The following WWP2 variants were observed in gnomAD, a reference collection of about 807,000 sequenced individuals.
The protein encoded by WWP2 is WW domain containing E3 ubiquitin protein ligase 2, also known as NEDD4-like E3 ubiquitin-protein ligase WWP2.
In WWP2, 57 loss-of-function variants were observed where a neutral mutation model predicts 121.0. The ratio of observed to expected loss-of-function variants is 0.47; its 90% CI spans 0.38 to 0.59. The LOEUF is 0.59. Ranked by LOEUF, WWP2 falls within the 20% of genes least tolerant of loss-of-function variation. The probability of loss-of-function intolerance (pLI) is 0.00; values close to 1 mark genes in which losing one functional copy is unlikely to be tolerated. For synonymous variants in WWP2, 449 were observed against 441.3 expected (o/e 1.02, Z -0.22); for missense variants, 962 against 1,158.9 (o/e 0.83, Z 2.47).
At chr16:69,830,688 A>G (rs890881515) in intron 4 of WWP2, among the ~76,000 whole-genome samples, 1 of 152,138 alleles carries the variant, frequency 6.6e-6, no homozygotes, top group Admixed American at 6.6e-5. Context: ...CAACAGGAAT[A>G]CCAGTGTTCA....
chr16:69,819,827 C>T (rs1445216613), intron 4 of WWP2, among the ~76,000 whole-genome samples: 1 of 152,178 alleles, frequency 6.6e-6, no homozygotes, highest in African/African-American at 2.4e-5. Flanking sequence ...TTTTCAATCG[C>T]CCCAGTGAGA....
chr16:69,766,591 C>T (rs1017440649), intron 1 of WWP2, among the ~76,000 whole-genome samples: 1 of 152,168 alleles, frequency 6.6e-6, no homozygotes, highest in East Asian at 1.9e-4. Flanking sequence ...CCACACTGGC[C>T]TCCTGACTGG....
At chr16:69,777,538 C>G (rs2055562147) in intron 1 of WWP2, among the ~76,000 whole-genome samples, 1 of 151,662 alleles carries the variant, frequency 6.6e-6, no homozygotes, top group Admixed American at 6.6e-5. Context: ...TGACCTCAAG[C>G]AATTCACCCA....
intron 10 of WWP2, among the ~76,000 whole-genome samples, chr16:69,919,805 T>A (rs1477983878): frequency 6.6e-6 from 1 of 151,292 alleles, no homozygotes; most frequent in Admixed American, 6.6e-5. Flanking sequence ...TTTTTTTTTT[T>A]TTTGAGACAA....
intron 9 of WWP2, among the ~76,000 whole-genome samples, chr16:69,914,609 T>C (rs1249417835): frequency 4.0e-5 from 6 of 151,750 alleles, no homozygotes; most frequent in African/African-American, 1.5e-4. Flanking sequence ...AACAAAAAAT[T>C]GGCCCCGCAT....
At chr16:69,857,393 TAACTTTC>T (rs2057337256) in intron 6 of WWP2, among the ~76,000 whole-genome samples, 2 of 151,980 alleles carry the variant, frequency 1.3e-5, no homozygotes, top group South Asian at 4.2e-4. Flanking sequence ...ACGCCTGGCG[TAACTTTC>T]CACTTTCCAC....
intron 4 of WWP2, among the ~76,000 whole-genome samples, chr16:69,831,300 T>G (rs868523536): frequency 2.0e-5 from 3 of 152,170 alleles, no homozygotes; most frequent in African/African-American, 7.2e-5. Context: ...TACATTTCGG[T>G]GGTATGGGGT....
Position 69,925,370 on chromosome 16 carries a change from T to C in WWP2, c.1180-60T>C. 1.9e-6 allele frequency: 3 copies of C among 1,589,980 alleles called. No individual in the cohort carries two copies. The highest frequency in any genetic ancestry group is 1.1e-5 in the South Asian group (1 of 88,832). Reference sequence around the variant, plus strand: ...GCATTTTTATTTTTTATTGATTGATTGATTTTTTCACCAGTGGCTTTTTGT... The same window carrying C: ...GCATTTTTATTTTTTATTGATTGATCGATTTTTTCACCAGTGGCTTTTTGT... On this transcript the variant is annotated intron_variant, in intron 10 of 23. Coordinates refer to ENST00000359154, the MANE Select transcript of WWP2 (RefSeq NM_001270454.2). This position sits in a 1 kb window ranked among gnomAD's most constrained non-coding sequence, Gnocchi z 4.0.
chr16:69,870,185 A>T (rs895047387), intron 6 of WWP2, among the ~76,000 whole-genome samples: 1 of 152,224 alleles, frequency 6.6e-6, no homozygotes, highest in Admixed American at 6.5e-5. Flanking sequence ...TCCCATGTTA[A>T]ATGAGAACAT....
At chr16:69,832,882 T>A (rs886911698) in intron 4 of WWP2, among the ~76,000 whole-genome samples, 2 of 151,740 alleles carry the variant, frequency 1.3e-5, no homozygotes, top group African/African-American at 4.8e-5. Context: ...CGAGATGGGA[T>A]CTTGCTCTCT....
In WWP2 at chr16:69,902,036, A is replaced by C. The variant is rs181710775; in HGVS notation, c.915-6725A>C. Among the ~76,000 whole-genome samples, 15 of 152,352 alleles carry C rather than the reference A, an allele frequency of 9.8e-5. No homozygotes were observed. In the East Asian group the frequency reaches 1.9e-3, roughly 20 times the overall value. ...CTTTAATCCCTTTTAGCTTAATCCT[A>C]TTCTTGGTGAAATGTTGATTTGGTT... On this transcript the variant is annotated intron_variant, in intron 8 of 23. Transcript: ENST00000359154.
chr16:69,933,762 C>A (rs1227919905), intron 16 of WWP2, among the ~76,000 whole-genome samples: 1 of 152,078 alleles, frequency 6.6e-6, no homozygotes, highest in African/African-American at 2.4e-5. Context: ...AATGCAGTTG[C>A]CGCCCTGGTT....
At chr16:69,835,888 C>T (rs568694240) in intron 4 of WWP2, among the ~76,000 whole-genome samples, 5 of 151,960 alleles carry the variant, frequency 3.3e-5, no homozygotes, top group East Asian at 3.9e-4. Flanking sequence ...CTGCAATCTC[C>T]GCCTGCCGTG....
At chr16:69,841,976 T>G in intron 5 of WWP2, 48 bp from the exon 6 acceptor site, 1 of 1,566,120 alleles carries the variant, frequency 6.4e-7, no homozygotes, top group Non-Finnish European at 8.7e-7. Flanking sequence ...AAACACGAGT[T>G]GAGCTCCTCA....
intron 4 of WWP2, among the ~76,000 whole-genome samples, chr16:69,811,901 G>A (rs2056398546): frequency 1.3e-5 from 2 of 152,138 alleles, no homozygotes; most frequent in African/African-American, 4.8e-5. Context: ...TACAAACCTC[G>A]TGTTTCTTTC....
At chr16:69,847,012 G>A (rs995313736) in intron 6 of WWP2, among the ~76,000 whole-genome samples, 1 of 152,026 alleles carries the variant, frequency 6.6e-6, no homozygotes, top group Non-Finnish European at 1.5e-5. Context: ...TCTTGCTTTA[G>A]CCTCCCAAGT....
Position 69,809,251 on chromosome 16 carries a change from G to A in WWP2, c.340+9956G>A, listed in dbSNP as rs560872877. ...ACAAATCTTCTAGGATGACAATGGC[G>A]TACGTAGCCTATGTACCTAACATTC... is the stretch of plus-strand genomic sequence containing the variant. On this transcript the variant is annotated intron_variant, in intron 4 of 23. Coordinates refer to ENST00000359154, the MANE Select transcript of WWP2 (RefSeq NM_001270454.2). Among the ~76,000 whole-genome samples, 82 of 152,274 alleles carry A rather than the reference G, an allele frequency of 5.4e-4. 1 individual carries two copies. The highest frequency in any genetic ancestry group is 2.1e-3 in the South Asian group (10 of 4,820).
intron 8 of WWP2, among the ~76,000 whole-genome samples, chr16:69,896,700 T>C (rs2058109743): frequency 6.6e-6 from 1 of 151,876 alleles, no homozygotes; most frequent in African/African-American, 2.4e-5. Flanking sequence ...GAGCTGACCA[T>C]TGGTATTTCT....
intron 4 of WWP2, among the ~76,000 whole-genome samples, chr16:69,822,251 G>T (rs1479154150): frequency 1.3e-5 from 2 of 152,058 alleles, no homozygotes; most frequent in Admixed American, 1.3e-4. Flanking sequence ...TCTCTGTAGG[G>T]CATTTTCTTA....
Sources: gnomAD v4.1 joint callset for allele counts (sites outside exome capture counted in the v4.1 genomes callset) on GRCh38, gnomAD v4.1.1 for gene constraint, Gnocchi (gnomAD v3.1) non-coding constraint, MANE v1.5 for transcripts, NCBI Gene and HGNC (gene_info 2026-07-23, HGNC 2026-07-21) for gene names.